The following SPEF2 variants were observed in gnomAD, a reference collection of about 807,000 sequenced individuals.
The protein encoded by SPEF2 is sperm flagellar and cilia associated 2.
Under a neutral mutation model 224.6 loss-of-function variants are expected in SPEF2, and 187 were observed. The ratio of observed to expected loss-of-function variants is 0.83; its 90% CI spans 0.74 to 0.94. The LOEUF (loss-of-function observed/expected upper bound fraction) is 0.94. Among genes scored for constraint, SPEF2 ranks in the 40% least tolerant of loss-of-function variants. The pLI is 0.00. For missense variants in SPEF2, 2,170 were observed against 2,135.6 expected, an observed-to-expected ratio of 1.02 and a Z score of -0.32; for synonymous variants, 715 against 707.3, an observed-to-expected ratio of 1.01 and a Z score of -0.17.
At chr5:35,694,182 AGTATT>A in intron 12 of SPEF2, 101 bp from the exon 13 acceptor site, 1 of 801,580 alleles carries the variant, frequency 1.2e-6, no homozygotes, top group Non-Finnish European at 2.0e-6. Flanking sequence ...ATAGACAAAA[AGTATT>A]GTATTTGTTC....
intron 10 of SPEF2, among the ~76,000 whole-genome samples, chr5:35,681,227 T>G (rs908056507): frequency 6.6e-6 from 1 of 152,192 alleles, no homozygotes; most frequent in African/African-American, 2.4e-5. Flanking sequence ...GAACAGCAAT[T>G]GTACAAAATA....
intron 26 of SPEF2, among the ~76,000 whole-genome samples, chr5:35,765,024 A>G (rs1427599609): frequency 1.3e-5 from 2 of 152,174 alleles, no homozygotes; most frequent in East Asian, 3.9e-4. Flanking sequence ...TAAGGGCTGC[A>G]CCTACCTAGT....
At chr5:35,788,425 G>T (rs1755481223) in intron 30 of SPEF2, 1 of 702,118 alleles carries the variant, frequency 1.4e-6, no homozygotes, top group East Asian at 2.7e-5. Context: ...ATCTAAGAGA[G>T]AAATTAGAAA....
At chr5:35,625,157 GC>G (rs1744062047) in intron 1 of SPEF2, among the ~76,000 whole-genome samples, 1 of 152,010 alleles carries the variant, frequency 6.6e-6, no homozygotes, top group East Asian at 1.9e-4. Context: ...AGTGTCTTAT[GC>G]ATAAAAAGCT....
intron 8 of SPEF2, among the ~76,000 whole-genome samples, chr5:35,666,582 T>A (rs534087541): frequency 1.3e-5 from 2 of 152,298 alleles, no homozygotes; most frequent in African/African-American, 4.8e-5. Context: ...TCTGGGACTT[T>A]CTAAAATATT....
rs896540659 is a variant in SPEF2, at chr5:35,710,279, C to A, written c.2839+1158C>A. 9 of 981,412 alleles carry A rather than the reference C, an allele frequency of 9.2e-6. No homozygotes were observed. The African/African-American group carries it at 1.6e-4, about 17-fold the overall frequency. The allele number at this position is 981,412 out of a possible 1,614,324, so 60.8% of individuals were successfully genotyped here. ...CTTTTTAGAACTGGGGAAGACAGGC[C>A]AAGCATGGTGGCTCATCCCTGTAAT... On this transcript the variant is annotated intron_variant, in intron 19 of 36. Transcript: ENST00000356031.
At chr5:35,703,945 T>A (rs1739214570) in intron 16 of SPEF2, among the ~76,000 whole-genome samples, 1 of 152,206 alleles carries the variant, frequency 6.6e-6, no homozygotes. Flanking sequence ...TTCAAGGCTT[T>A]CTTTCCTCTT....
rs9292610 is a variant in SPEF2 at position 35,788,037 on chromosome 5, G to C, written c.4448-4303G>C. On this transcript the variant is annotated intron_variant, in intron 30 of 36. Transcript: ENST00000356031. ...AATCTTATGTTCTGCGCCTTGTGTC[G>C]TAAGCATGGAGTGAAGTCAGGGGGA... is the stretch of plus-strand genomic sequence containing the variant. 9.2e-3 allele frequency: 6,486 copies of C among 702,734 alleles called. 299 individuals are homozygous for C. In the African/African-American group the frequency reaches 0.1, roughly 11 times the overall value. 43.5% of individuals were successfully genotyped at this position (702,734 alleles called of 1,614,324 possible). A position where few individuals can be genotyped will look rare whatever the true frequency, so the allele number is the denominator to read the frequency against.
In SPEF2 at chr5:35,715,816, C is replaced by CCTTTTTTTTTTTTTTTTTTTTTTTTTTT. The variant is rs70973054; in HGVS notation, c.2914+2930_2914+2931insCTTTTTTTTTTTTTTTTTTTTTTTTTTT. 2.0e-4 allele frequency among the ~76,000 whole-genome samples: 24 copies of CCTTTTTTTTTTTTTTTTTTTTTTTTTTT among 117,936 alleles called. 9 individuals carry two copies. Among genetic ancestry groups the CCTTTTTTTTTTTTTTTTTTTTTTTTTTT allele is most frequent in the Admixed American group, 2.0e-4 (2 of 10,208 alleles). 77.4% of individuals were successfully genotyped at this position (117,936 alleles called of 152,430 possible). Reference sequence around the variant, plus strand: ...TCTGTGAAATAGGGGGATATAATTTCTTTTTTTTTTTTTTTTTGAGACAGA... The same window carrying CCTTTTTTTTTTTTTTTTTTTTTTTTTTT: ...TCTGTGAAATAGGGGGATATAATTTCCTTTTTTTTTTTTTTTTTTTTTTTTTTTTTTTTTTTTTTTTTTTTGAGACAGA... On this transcript the variant is annotated intron_variant, in intron 20 of 36. Transcript: ENST00000356031.
At position 35,727,636 on chromosome 5, in the gene SPEF2, A is replaced by G. The variant is rs112987691; in HGVS notation, c.2915-39A>G. ...CATCTACCAGAATTCTGTCCCATTC[A>G]TTTACTTGTATTGGAATAATTTGAT... On this transcript the variant is annotated intron_variant, in intron 20 of 36. Coordinates refer to ENST00000356031, the MANE Select transcript of SPEF2 (RefSeq NM_024867.4). 8.2e-3 allele frequency: 12,844 copies of G among 1,565,506 alleles called. 303 individuals are homozygous for G. Among genetic ancestry groups the G allele is most frequent in the East Asian group, 0.068 (3,023 of 44,178 alleles).
At chr5:35,648,499 T>C (rs10063459) in intron 5 of SPEF2, among the ~76,000 whole-genome samples, 92,644 of 151,628 alleles carry the variant, frequency 0.61, 29,091 homozygotes, top group East Asian at 0.74. Context: ...ATCCTCCTGC[T>C]TCAGCCTCCT....
intron 2 of SPEF2, among the ~76,000 whole-genome samples, chr5:35,633,819 G>C (rs1745457952): frequency 1.3e-5 from 2 of 151,508 alleles, no homozygotes; most frequent in Non-Finnish European, 2.9e-5. Flanking sequence ...CAGTTTCTTA[G>C]TTTTCATGAA....
In SPEF2 at chr5:35,685,322, T is replaced by C. The variant is rs191115131; in HGVS notation, c.1525-5715T>C. On this transcript the variant is annotated intron_variant, in intron 10 of 36. Transcript: ENST00000356031. ...AAGTATTTTCTTATCTGCAGTGTTC[T>C]CATATCAGAAATTCTGGCACCAAAC... Among the ~76,000 whole-genome samples, 237 of 152,274 alleles carry C rather than the reference T, an allele frequency of 1.6e-3. 1 individual carries two copies. Among genetic ancestry groups the C allele is most frequent in the African/African-American group, 5.4e-3 (226 of 41,580 alleles).
intron 28 of SPEF2, among the ~76,000 whole-genome samples, chr5:35,775,016 A>C (rs1753409240): frequency 6.6e-6 from 1 of 152,190 alleles, no homozygotes; most frequent in Non-Finnish European, 1.5e-5. Context: ...TCATTTATGC[A>C]TATAACAAAT....
Position 35,813,714 on chromosome 5 carries a change from T to C in SPEF2, c.5380-750T>C, listed in dbSNP as rs531043292. On this transcript the variant is annotated intron_variant, in intron 36 of 36. Transcript: ENST00000356031. ...GTCAATTGGCAAGGGTCAGCACATA[T>C]GGTGAACAAACTCATGTCTTCTCAA... Among the ~76,000 whole-genome samples, 6 of 152,244 alleles carry C rather than the reference T, an allele frequency of 3.9e-5. No homozygotes were observed. The South Asian group carries it at 1.2e-3, about 32-fold the overall frequency.
At chr5:35,800,306 A>G (rs1361962731) in intron 34 of SPEF2, among the ~76,000 whole-genome samples, 159 bp downstream of exon 34, 2 of 152,160 alleles carry the variant, frequency 1.3e-5, no homozygotes, top group East Asian at 3.9e-4. Flanking sequence ...GCCTTACTCA[A>G]TTGGATTAAG....
At chr5:35,688,517 C>CT (rs1218384626) in intron 10 of SPEF2, among the ~76,000 whole-genome samples, 4 of 151,804 alleles carry the variant, frequency 2.6e-5, no homozygotes, top group South Asian at 2.1e-4. Flanking sequence ...TGATCATATG[C>CT]TTTTTTTTAT....
intron 21 of SPEF2, among the ~76,000 whole-genome samples, chr5:35,736,503 G>A (rs529765816): frequency 6.6e-6 from 1 of 151,736 alleles, no homozygotes; most frequent in Non-Finnish European, 1.5e-5. Context: ...GTGTGTGAAA[G>A]AGGAACTGTC....
chr5:35,713,487 T>A (rs1417213357), intron 20 of SPEF2, among the ~76,000 whole-genome samples: 2 of 151,572 alleles, frequency 1.3e-5, no homozygotes, highest in African/African-American at 4.8e-5. Flanking sequence ...TGTAATCCCA[T>A]CAGTTTGGGA....
Sources: allele counts gnomAD v4.1 joint callset (sites outside exome capture counted in the v4.1 genomes callset), GRCh38; gene constraint gnomAD v4.1.1; transcripts MANE v1.5; gene names NCBI Gene and HGNC (gene_info 2026-07-23, HGNC 2026-07-21).